RWDD4: variants seen among roughly 807,000 people sequenced by gnomAD.
RWDD4 encodes RWD domain-containing protein 4.
Under a neutral mutation model 30.0 loss-of-function variants are expected in RWDD4, and 16 were observed. The observed-to-expected ratio is 0.53, with a 90% CI of 0.36 to 0.81. The LOEUF is 0.81. Ranked by LOEUF, RWDD4 falls within the 30% of genes least tolerant of loss-of-function variation. The probability of loss-of-function intolerance (pLI) is 0.00; values close to 1 mark genes in which losing one functional copy is unlikely to be tolerated. For synonymous variants in RWDD4, 45 were observed against 72.1 expected (o/e 0.62, Z 1.90); for missense variants, 170 against 223.9 (o/e 0.76, Z 1.54).
At chr4:183,651,531 T>C (rs1734076682) in intron 2 of RWDD4, among the ~76,000 whole-genome samples, 1 of 152,230 alleles carries the variant, frequency 6.6e-6, no homozygotes, top group Non-Finnish European at 1.5e-5. Flanking sequence ...AGTCCTAGTA[T>C]AGCTTCATAG....
chr4:183,649,164 A>G (rs1734024090), intron 5 of RWDD4, among the ~76,000 whole-genome samples: 1 of 152,198 alleles, frequency 6.6e-6, no homozygotes, highest in Non-Finnish European at 1.5e-5. Context: ...CTGTAATCCC[A>G]GCACTTTGGG....
chr4:183,648,924 G>A (rs1236595303), intron 5 of RWDD4, among the ~76,000 whole-genome samples: 1 of 151,646 alleles, frequency 6.6e-6, no homozygotes, highest in Non-Finnish European at 1.5e-5. Context: ...TCGGCTTGCT[G>A]CAACGGCTGC....
chr4:183,650,972 T>A lies in RWDD4; in HGVS notation c.363+12A>T. The A allele has an allele frequency of 6.3e-7, 1 of 1,596,260 alleles. No individual in the cohort carries two copies. The highest frequency in any genetic ancestry group is 1.3e-5 in the African/African-American group (1 of 74,244). On this transcript the variant is annotated intron_variant, in intron 4 of 7. Coordinates refer to ENST00000326397, the MANE Select transcript of RWDD4 (RefSeq NM_152682.4). ...ACAAAAGAATCCGGCAAAAAAATAA[T>A]CACATACTCACTGCGGAATTGATGG...
At chr4:183,646,213 T>A (rs1224443172) in intron 7 of RWDD4, 138 bp downstream of exon 7, 1 of 628,926 alleles carries the variant, frequency 1.6e-6, no homozygotes, top group Non-Finnish European at 2.9e-6. Flanking sequence ...GTATCTGCAT[T>A]CTTAAGATGT....
intron 7 of RWDD4, among the ~76,000 whole-genome samples, chr4:183,644,647 T>G (rs1169044111): frequency 6.6e-6 from 1 of 151,848 alleles, no homozygotes; most frequent in Non-Finnish European, 1.5e-5. Context: ...GGTGTGGCGG[T>G]GCATGCCTGT....
chr4:183,643,059 AAAATAAATAAATAAATAAATAAATAAAT>A (rs201296160), intron 7 of RWDD4, among the ~76,000 whole-genome samples: 1 of 112,448 alleles, frequency 8.9e-6, no homozygotes, highest in African/African-American at 3.5e-5. Flanking sequence ...ACTCCGTTCA[AAAATAAATAAATAAATAAATAAATAAAT>A]AAATAAATAA....
chr4:183,659,172 G>A lies in RWDD4; in HGVS notation c.-220C>T. 3 of 397,778 alleles carry A rather than the reference G, an allele frequency of 7.5e-6. No homozygotes were observed. The highest frequency in any genetic ancestry group is 1.4e-4 in the South Asian group (1 of 7,068). The allele number at this position is 397,778 out of a possible 1,614,324, so 24.6% of individuals were successfully genotyped here. A position where few individuals can be genotyped will look rare whatever the true frequency, so the allele number is the denominator to read the frequency against. ...GCTACGAGCCGGAGCCGCGGCTGGT[G>A]GGGCCTGGGAAGTGCAGCGTCTCCC... On this transcript the variant is annotated 5_prime_UTR_variant, in exon 1 of 8. Transcript: ENST00000326397.
intron 7 of RWDD4, among the ~76,000 whole-genome samples, chr4:183,645,049 A>G (rs1467162326): frequency 1.3e-5 from 2 of 152,166 alleles, no homozygotes; most frequent in Non-Finnish European, 2.9e-5. Flanking sequence ...ACAGTGAGCC[A>G]TGTTCACGCC....
chr4:183,658,872 G>T (rs973552773), intron 1 of RWDD4, 57 bp downstream of exon 1: 12 of 1,223,132 alleles, frequency 9.8e-6, no homozygotes, highest in Non-Finnish European at 1.2e-5. Context: ...TCTCACGGGG[G>T]CCCGGGGCTG....
chr4:183,653,376 C>T (rs1367068256), intron 2 of RWDD4, among the ~76,000 whole-genome samples: 1 of 151,686 alleles, frequency 6.6e-6, no homozygotes, highest in Non-Finnish European at 1.5e-5. Context: ...AGAGACCAGC[C>T]TGGGCAACAC....
intron 2 of RWDD4, among the ~76,000 whole-genome samples, chr4:183,651,533 G>C (rs6833052): frequency 0.08 from 12,130 of 152,208 alleles, 498 homozygotes; most frequent in East Asian, 0.11. Flanking sequence ...TCCTAGTATA[G>C]CTTCATAGGT....
Position 183,642,523 on chromosome 4 carries a change from A to G in RWDD4, c.535-1055T>C, listed in dbSNP as rs868678237. Among the ~76,000 whole-genome samples the G allele has an allele frequency of 7.5e-4, 114 of 152,284 alleles. 8 individuals carry two copies. The highest frequency in any genetic ancestry group is 2.2e-4 in the Non-Finnish European group (15 of 68,028). On this transcript the variant is annotated intron_variant, in intron 7 of 7. Coordinates refer to ENST00000326397, the MANE Select transcript of RWDD4 (RefSeq NM_152682.4). ...TTTATTATCTAGCTCAGTGGAAGAC[A>G]GCTGGCTTCTCACAAATATGCTTCA...
intron 7 of RWDD4, among the ~76,000 whole-genome samples, chr4:183,642,185 ATTTT>A (rs1009902870): frequency 1.0e-5 from 1 of 97,154 alleles, no homozygotes; most frequent in Non-Finnish European, 1.9e-5. Context: ...CATTCTTAAA[ATTTT>A]TTTTTTTTTT....
intron 1 of RWDD4, among the ~76,000 whole-genome samples, chr4:183,657,974 A>G (rs1734241908): frequency 6.6e-6 from 1 of 152,240 alleles, no homozygotes; most frequent in Admixed American, 6.5e-5. Context: ...ACTATGGTCC[A>G]ACTCTGAGAA....
intron 5 of RWDD4, among the ~76,000 whole-genome samples, chr4:183,649,078 C>T (rs942207944): frequency 6.6e-6 from 1 of 152,046 alleles, no homozygotes; most frequent in African/African-American, 2.4e-5. Flanking sequence ...AATATATCCA[C>T]CATATCACAC....
At chr4:183,652,039 AT>A (rs932474078) in intron 2 of RWDD4, among the ~76,000 whole-genome samples, 33 of 152,042 alleles carry the variant, frequency 2.2e-4, no homozygotes, top group African/African-American at 6.5e-4. Flanking sequence ...TCCCAATGTG[AT>A]TTTTTTCCCC....
intron 2 of RWDD4, among the ~76,000 whole-genome samples, chr4:183,651,831 T>C (rs569802285): frequency 1.2e-4 from 19 of 152,372 alleles, no homozygotes; most frequent in African/African-American, 4.1e-4. Context: ...GACAGGAATG[T>C]CTTCAGCTGC....
chr4:183,656,318 C>A (rs1346277813), intron 1 of RWDD4, among the ~76,000 whole-genome samples: 2 of 152,176 alleles, frequency 1.3e-5, no homozygotes, highest in East Asian at 3.8e-4. Flanking sequence ...TAAAGACGAA[C>A]CTGGGTGCAA....
At chr4:183,656,696 G>A (rs1001165768) in intron 1 of RWDD4, among the ~76,000 whole-genome samples, 1 of 152,162 alleles carries the variant, frequency 6.6e-6, no homozygotes, top group African/African-American at 2.4e-5. Flanking sequence ...ACTAAAGATG[G>A]TGAAAGTGGG....
Sources: gnomAD v4.1 joint callset for allele counts (sites outside exome capture counted in the v4.1 genomes callset) on GRCh38, gnomAD v4.1.1 for gene constraint, MANE v1.5 for transcripts, NCBI Gene and HGNC (gene_info 2026-07-23, HGNC 2026-07-21) for gene names.